Variants in MPDZ observed in about 807,000 individuals in gnomAD.
MPDZ encodes multiple PDZ domain crumbs cell polarity complex component, also known as multiple PDZ domain protein.
MPDZ carries 234 observed loss-of-function variants against 239.1 expected under a neutral mutation model. That is an observed-to-expected ratio of 0.98 (90% confidence interval 0.88 to 1.09). The LOEUF is 1.09. Ranked by LOEUF, MPDZ falls within the 50% of genes least tolerant of loss-of-function variation. The pLI, the probability that MPDZ is intolerant of heterozygous loss-of-function variation, is 0.00. For missense variants in MPDZ, 3,175 were observed against 2,510.0 expected, an observed-to-expected ratio of 1.26 and a Z score of -5.66; for synonymous variants, 1,048 against 881.3, an observed-to-expected ratio of 1.19 and a Z score of -3.35.
intron 3 of MPDZ, among the ~76,000 whole-genome samples, chr9:13,236,429 T>A (rs1046597285): frequency 6.7e-6 from 1 of 150,212 alleles, no homozygotes; most frequent in Admixed American, 6.7e-5. Flanking sequence ...ATTACAGGCA[T>A]GTACCACCCA....
At chr9:13,224,727 T>C (rs1959980797) in intron 3 of MPDZ, 144 bp from the exon 4 acceptor site, 2 of 621,996 alleles carry the variant, frequency 3.2e-6, no homozygotes, top group Admixed American at 3.0e-5. Flanking sequence ...GGGAAATTTA[T>C]TTCAAGGATG....
chr9:13,222,978 T>TA (rs1001183348), intron 5 of MPDZ, among the ~76,000 whole-genome samples: 1 of 151,630 alleles, frequency 6.6e-6, no homozygotes, highest in Non-Finnish European at 1.5e-5. Flanking sequence ...GCCACAACAA[T>TA]AAAAAAATCA....
chr9:13,156,837 C>T (rs1464448032), intron 24 of MPDZ, among the ~76,000 whole-genome samples: 1 of 152,126 alleles, frequency 6.6e-6, no homozygotes, highest in Admixed American at 6.6e-5. Flanking sequence ...CCTCTATCCA[C>T]AAATAAATAA....
At chr9:13,157,928 C>T in intron 24 of MPDZ, 90 bp downstream of exon 24, 1 of 1,055,324 alleles carries the variant, frequency 9.5e-7, no homozygotes, top group Non-Finnish European at 1.4e-6. Context: ...TAACAAGAAG[C>T]AAGTTGTAAT....
intron 1 of MPDZ, among the ~76,000 whole-genome samples, chr9:13,278,448 G>C (rs573069903): frequency 6.6e-6 from 1 of 152,222 alleles, no homozygotes; most frequent in Admixed American, 6.5e-5. Context: ...CTCCCCCGCA[G>C]TCTCCGCTTG....
chr9:13,227,516 G>C (rs1424448742), intron 3 of MPDZ, among the ~76,000 whole-genome samples: 1 of 152,052 alleles, frequency 6.6e-6, no homozygotes, highest in African/African-American at 2.4e-5. Flanking sequence ...GCTATGGTAT[G>C]TTTGCATAGG....
chr9:13,116,086 G>C (rs977260167), intron 39 of MPDZ, among the ~76,000 whole-genome samples: 10 of 151,706 alleles, frequency 6.6e-5, no homozygotes, highest in African/African-American at 2.2e-4. Context: ...TGCCTGAATA[G>C]ACTTATGATA....
intron 18 of MPDZ, 94 bp from the exon 19 acceptor site, chr9:13,183,679 ATT>A: frequency 8.5e-7 from 1 of 1,179,284 alleles, no homozygotes. Context: ...AACTGGTATC[ATT>A]CTTTTATCTA....
rs1315338767 is a variant in MPDZ, at chr9:13,136,671, A to G, written c.4292+41T>C. 10 of 1,267,286 alleles carry G rather than the reference A, an allele frequency of 7.9e-6. No individual in the cohort carries two copies. The East Asian group carries it at 1.7e-4, about 22-fold the overall frequency. 78.5% of individuals were successfully genotyped at this position (1,267,286 alleles called of 1,614,324 possible). A position where few individuals can be genotyped will look rare whatever the true frequency, so the allele number is the denominator to read the frequency against. ...CAAAAGAACTCAGAGAAGAAATGCT[A>G]ACAAAAAGTATTTGGTAAACTAGCA... On this transcript the variant is annotated intron_variant, in intron 30 of 46. Transcript: ENST00000319217.
chr9:13,116,972 A>C (rs1364584964), intron 39 of MPDZ, among the ~76,000 whole-genome samples: 1 of 152,086 alleles, frequency 6.6e-6, no homozygotes, highest in East Asian at 1.9e-4. Context: ...ATATGTTCTA[A>C]GACCCCCCGC....
chr9:13,203,693 T>A (rs1956649997), intron 12 of MPDZ, among the ~76,000 whole-genome samples: 1 of 150,624 alleles, frequency 6.6e-6, no homozygotes, highest in South Asian at 2.1e-4. Context: ...CTGGGACTCC[T>A]GATTCTAGGT....
At chr9:13,277,132 G>C (rs1974399778) in intron 1 of MPDZ, among the ~76,000 whole-genome samples, 1 of 152,108 alleles carries the variant, frequency 6.6e-6, no homozygotes, top group Non-Finnish European at 1.5e-5. Flanking sequence ...ATGTCTTTAA[G>C]GGTCAAGCAG....
intron 23 of MPDZ, among the ~76,000 whole-genome samples, chr9:13,162,394 A>T (rs962063161): frequency 6.6e-6 from 1 of 152,116 alleles, no homozygotes; most frequent in African/African-American, 2.4e-5. Context: ...CTAAGAAATT[A>T]ATGGAATAAT....
At chr9:13,136,876 A>T in intron 29 of MPDZ, 73 bp from the exon 30 acceptor site, 1 of 774,176 alleles carries the variant, frequency 1.3e-6, no homozygotes, top group Non-Finnish European at 2.0e-6. Flanking sequence ...TTCCTCATTA[A>T]TGAAAAGCAC....
At chr9:13,192,386 T>C in intron 14 of MPDZ, 91 bp from the exon 15 acceptor site, 2 of 1,131,282 alleles carry the variant, frequency 1.8e-6, no homozygotes, top group Non-Finnish European at 2.5e-6. Context: ...TAAATTTTAC[T>C]ATAGTCATTA....
chr9:13,153,522 C>T (rs1350265410), intron 24 of MPDZ, among the ~76,000 whole-genome samples: 1 of 152,074 alleles, frequency 6.6e-6, no homozygotes, highest in Non-Finnish European at 1.5e-5. Flanking sequence ...TAGTCCACTG[C>T]AGCCTTGACT....
At chr9:13,113,147 T>A in intron 41 of MPDZ, 93 bp from the exon 42 acceptor site, 2 of 1,165,292 alleles carry the variant, frequency 1.7e-6, no homozygotes, top group South Asian at 3.1e-5. Context: ...GACTAAATGA[T>A]AACCTAGGTT....
intron 1 of MPDZ, among the ~76,000 whole-genome samples, chr9:13,264,305 C>T (rs1971323278): frequency 6.6e-6 from 1 of 152,126 alleles, no homozygotes; most frequent in Non-Finnish European, 1.5e-5. Flanking sequence ...CATAGATACA[C>T]AACTTTTATA....
chr9:13,245,209 T>C (rs1192032636), intron 3 of MPDZ, among the ~76,000 whole-genome samples: 1 of 151,866 alleles, frequency 6.6e-6, no homozygotes, highest in Non-Finnish European at 1.5e-5. Context: ...TCTAGAGTAC[T>C]TATATTTAAA....
Sources: allele counts gnomAD v4.1 joint callset (sites outside exome capture counted in the v4.1 genomes callset), GRCh38; gene constraint gnomAD v4.1.1; transcripts MANE v1.5; gene names NCBI Gene and HGNC (gene_info 2026-07-23, HGNC 2026-07-21).